TMEM242: variants seen among roughly 807,000 people sequenced by gnomAD.
TMEM242 encodes the protein transmembrane protein 242.
Under a neutral mutation model 18.2 loss-of-function variants are expected in TMEM242, and 10 were observed. The observed-to-expected ratio is 0.55, with a 90% CI of 0.34 to 0.93. The LOEUF (loss-of-function observed/expected upper bound fraction) is 0.93, where lower values mean the gene tolerates loss of function less well. Among genes scored for constraint, TMEM242 ranks in the 40% least tolerant of loss-of-function variants. The pLI is 0.02. For missense variants in TMEM242, 186 were observed against 175.5 expected (o/e 1.06, Z -0.34); for synonymous variants, 57 against 69.9 (o/e 0.81, Z 0.92).
intron 3 of TMEM242, among the ~76,000 whole-genome samples, chr6:157,296,002 A>G (rs1777743139): frequency 6.6e-6 from 1 of 152,380 alleles, no homozygotes; most frequent in Non-Finnish European, 1.5e-5. Flanking sequence ...AATTTCTGAT[A>G]TGCAGTTCAG....
rs1777694886 is a variant in TMEM242, at chr6:157,292,333, A to G, written c.*568T>C. The G allele has an allele frequency of 6.6e-6, 1 of 152,252 alleles. No homozygotes were observed. The highest frequency in any genetic ancestry group is 1.5e-5 in the Non-Finnish European group (1 of 68,062). 9.4% of individuals were successfully genotyped at this position (152,252 alleles called of 1,614,324 possible). A position where few individuals can be genotyped will look rare whatever the true frequency, so the allele number is the denominator to read the frequency against. On this transcript the variant is annotated 3_prime_UTR_variant, in exon 4 of 4. Coordinates refer to ENST00000400788, the MANE Select transcript of TMEM242 (RefSeq NM_018452.6). ...GGGCCTTCAAGCAAGGGCATCAGGT[A>G]AATAACTAGCATGTGTGTGATGGCT...
Position 157,323,504 on chromosome 6 carries a change from A to T in TMEM242, c.-5T>A. 6.2e-7 allele frequency: 1 copy of T among 1,613,478 alleles called. No individual in the cohort carries two copies. The highest frequency in any genetic ancestry group is 1.1e-5 in the South Asian group (1 of 91,054). ...TGCAGCGCCCGCTGTCTCCATGTTT[A>T]GGTCGCCTCTAGTGCGTCCGTCCCC... is the stretch of plus-strand genomic sequence containing the variant. On this transcript the variant is annotated 5_prime_UTR_variant, in exon 1 of 4. Coordinates refer to ENST00000400788, the MANE Select transcript of TMEM242 (RefSeq NM_018452.6).
chr6:157,309,745 T>A (rs1323353032), intron 3 of TMEM242, among the ~76,000 whole-genome samples: 1 of 147,910 alleles, frequency 6.8e-6, no homozygotes, highest in Admixed American at 6.7e-5. Context: ...AAAACTCCCT[T>A]CATTTATACA....
intron 3 of TMEM242, among the ~76,000 whole-genome samples, chr6:157,314,130 G>T: frequency 2.9e-4 from 1 of 3,428 alleles, no homozygotes; most frequent in East Asian, 0.014. Flanking sequence ...CCCAGTGTGC[G>T]CTCACCCGGC....
chr6:157,291,875 G>A lies in TMEM242; in HGVS notation c.*1026C>T, dbSNP rs782052265. 2 of 152,106 alleles carry A rather than the reference G, an allele frequency of 1.3e-5. No homozygotes were observed. Among genetic ancestry groups the A allele is most frequent in the African/African-American group, 2.4e-5 (1 of 41,404 alleles). The allele number at this position is 152,106 out of a possible 1,614,324, so 9.4% of individuals were successfully genotyped here. A position where few individuals can be genotyped will look rare whatever the true frequency, so the allele number is the denominator to read the frequency against. ...ATATTTAACTACAGGTTTTTTCTCT[G>A]GACATATTGACATATTAAAGTATTT... is the stretch of plus-strand genomic sequence containing the variant. On this transcript the variant is annotated 3_prime_UTR_variant, in exon 4 of 4. Coordinates refer to ENST00000400788, the MANE Select transcript of TMEM242 (RefSeq NM_018452.6).
intron 3 of TMEM242, among the ~76,000 whole-genome samples, chr6:157,317,359 A>G (rs1448370629): frequency 1.3e-5 from 2 of 152,138 alleles, no homozygotes; most frequent in African/African-American, 4.8e-5. Context: ...CCAGCATACA[A>G]CACAGTCAGT....
rs782418020 is a variant in TMEM242, at chr6:157,323,489, G to T, written c.11C>A (p.Ala4Glu). Reference protein sequence around the residue: METAGAATGQPASG... With the variant: METEGAATGQPASG... ...GGCCGGCTGCCCAGTTGCAGCGCCC[G>T]CTGTCTCCATGTTTAGGTCGCCTCT... Residue 4 changes from alanine (A) to glutamate (E), a missense_variant, in exon 1 of 4, where the codon GCG becomes GAG. Physicochemically the swap from Ala to Glu is moderately radical, Grantham distance 107. Transcript: ENST00000400788. The T allele has an allele frequency of 3.7e-5, 60 of 1,613,596 alleles. 1 individual carries two copies. Among genetic ancestry groups the T allele is most frequent in the Middle Eastern group, 1.6e-4 (1 of 6,080 alleles).
At position 157,290,008 on chromosome 6, in the gene TMEM242, G is replaced by T. The variant is rs1288384573; in HGVS notation, c.*2893C>A. On this transcript the variant is annotated 3_prime_UTR_variant, in exon 4 of 4. Transcript: ENST00000400788. ...TCCCGTCCCCCACTTTCCACTCTCA[G>T]GTTGTCCTGAACCCACACTTTCTTG... The T allele has an allele frequency of 1.3e-5, 2 of 152,300 alleles. No individual in the cohort carries two copies. The allele number at this position is 152,300 out of a possible 1,614,324, so 9.4% of individuals were successfully genotyped here. A position where few individuals can be genotyped will look rare whatever the true frequency, so the allele number is the denominator to read the frequency against.
chr6:157,322,626 T>G, intron 2 of TMEM242, 79 bp downstream of exon 2: 1 of 1,163,928 alleles, frequency 8.6e-7, no homozygotes. Context: ...AGACCATCAA[T>G]ATTTTATTTT....
chr6:157,299,936 A>G (rs1195364378), intron 3 of TMEM242: 2 of 1,604,168 alleles, frequency 1.2e-6, no homozygotes, highest in African/African-American at 2.7e-5. Flanking sequence ...AGTTCCTATG[A>G]TGGAGACCTT....
chr6:157,311,681 T>G (rs1348847661), intron 3 of TMEM242, among the ~76,000 whole-genome samples: 10 of 10,248 alleles, frequency 9.8e-4, no homozygotes, highest in East Asian at 3.7e-3. Context: ...CATCATAGTG[T>G]CCCAGTGTGC....
rs587755991 is a variant in TMEM242, at chr6:157,305,992, G to A, written c.327+12790C>T. On this transcript the variant is annotated intron_variant, in intron 3 of 3. Coordinates refer to ENST00000400788, the MANE Select transcript of TMEM242 (RefSeq NM_018452.6). The surrounding 1 kb of genome is among the most constrained non-coding windows in gnomAD (Gnocchi z 4.1). ...GGGCTGGTAGCTGGAGGAGGCTAAG[G>A]AATATCTAGAGAGAACCTCTAGAGG... Among the ~76,000 whole-genome samples, 1 of 152,280 alleles carries A rather than the reference G, an allele frequency of 6.6e-6. No homozygotes were observed. Among genetic ancestry groups the A allele is most frequent in the African/African-American group, 2.4e-5 (1 of 41,560 alleles).
In TMEM242 at chr6:157,289,099, T is replaced by C. The variant is rs1554246672; in HGVS notation, c.*3802A>G. Among the ~76,000 whole-genome samples the C allele has an allele frequency of 6.6e-6, 1 of 150,818 alleles. No individual in the cohort carries two copies. Among genetic ancestry groups the C allele is most frequent in the African/African-American group, 2.4e-5 (1 of 40,848 alleles). On this transcript the variant is annotated 3_prime_UTR_variant, in exon 4 of 4. Coordinates refer to ENST00000400788, the MANE Select transcript of TMEM242 (RefSeq NM_018452.6). ...GGGATCATGCCTCATCAAACAGTAATGAAACAAAGGCCTCGAGCCAGCTTC... is the reference window on the plus strand; with the variant it reads ...GGGATCATGCCTCATCAAACAGTAACGAAACAAAGGCCTCGAGCCAGCTTC...
chr6:157,322,338 C>T (rs1420769961), intron 2 of TMEM242, among the ~76,000 whole-genome samples: 7 of 152,072 alleles, frequency 4.6e-5, no homozygotes, highest in African/African-American at 1.5e-4. Context: ...GCCATGTTGG[C>T]CAGGCTGGTC....
In TMEM242 at chr6:157,292,169, T is replaced by A. The variant is rs587642983; in HGVS notation, c.*732A>T. 6.6e-6 allele frequency: 1 copy of A among 152,314 alleles called. No individual in the cohort carries two copies. The highest frequency in any genetic ancestry group is 2.4e-5 in the African/African-American group (1 of 41,574). 9.4% of individuals were successfully genotyped at this position (152,314 alleles called of 1,614,324 possible). A position where few individuals can be genotyped will look rare whatever the true frequency, so the allele number is the denominator to read the frequency against. On this transcript the variant is annotated 3_prime_UTR_variant, in exon 4 of 4. Transcript: ENST00000400788. ...TGACAACTGAGACAAAATGACAAAT[T>A]GTCAGTGTTCAGAGATCCAGACCAA...
intron 3 of TMEM242, among the ~76,000 whole-genome samples, chr6:157,301,827 G>A (rs1213695851): frequency 6.6e-6 from 1 of 152,110 alleles, no homozygotes; most frequent in Non-Finnish European, 1.5e-5. Flanking sequence ...AGCTACTCAG[G>A]AGGCAGAGGC....
At chr6:157,317,661 T>A (rs1778413697) in intron 3 of TMEM242, among the ~76,000 whole-genome samples, 1 of 152,204 alleles carries the variant, frequency 6.6e-6, no homozygotes, top group African/African-American at 2.4e-5. Context: ...TTACTTGCTC[T>A]CCATCTCACT....
At chr6:157,313,406 G>C (rs1778270941) in intron 3 of TMEM242, among the ~76,000 whole-genome samples, 1 of 2,482 alleles carries the variant, frequency 4.0e-4, no homozygotes, top group Non-Finnish European at 8.4e-4. Flanking sequence ...CCTTATTACA[G>C]TGTCCAGTGT....
chr6:157,304,080 A>C (rs1002419972), intron 3 of TMEM242, among the ~76,000 whole-genome samples: 14 of 152,244 alleles, frequency 9.2e-5, no homozygotes, highest in Admixed American at 9.2e-4. Context: ...CATCTTATAC[A>C]TAATTTCTGA....
Sources: allele counts gnomAD v4.1 joint callset (sites outside exome capture counted in the v4.1 genomes callset), GRCh38; gene constraint gnomAD v4.1.1; non-coding constraint Gnocchi (gnomAD v3.1); transcripts MANE v1.5; gene names NCBI Gene and HGNC (gene_info 2026-07-23, HGNC 2026-07-21).